The following KCNIP1 variants were observed in gnomAD, a reference collection of about 807,000 sequenced individuals.
KCNIP1 encodes the protein A-type potassium channel modulatory protein KCNIP1.
In KCNIP1, 18 loss-of-function variants were observed where a neutral mutation model predicts 33.0. The observed-to-expected ratio is 0.55, with a 90% CI of 0.38 to 0.81. The LOEUF is 0.81. KCNIP1 is among the 30% of genes least tolerant of loss of function. The probability of loss-of-function intolerance (pLI) is 0.00; values close to 1 mark genes in which losing one functional copy is unlikely to be tolerated. For missense variants in KCNIP1, 238 were observed against 271.6 expected, an observed-to-expected ratio of 0.88 and a Z score of 0.87; for synonymous variants, 93 against 98.3, an observed-to-expected ratio of 0.95 and a Z score of 0.32.
intron 5 of KCNIP1, among the ~76,000 whole-genome samples, chr5:170,729,452 C>T (rs2113890805): frequency 6.6e-6 from 1 of 152,064 alleles, no homozygotes; most frequent in Admixed American, 6.5e-5. Flanking sequence ...ATATCTAGCA[C>T]ATGGTAGATG....
chr5:170,515,755 A>T (rs948250846), intron 1 of KCNIP1, among the ~76,000 whole-genome samples: 8 of 152,220 alleles, frequency 5.3e-5, no homozygotes, highest in Admixed American at 4.6e-4. Flanking sequence ...GAATCACTGG[A>T]CTAGGCTGGA....
At chr5:170,388,634 C>T (rs1266769154) in intron 1 of KCNIP1, among the ~76,000 whole-genome samples, 1 of 152,170 alleles carries the variant, frequency 6.6e-6, no homozygotes, top group Non-Finnish European at 1.5e-5. Context: ...CATCCTTTTC[C>T]TTAGAAGGAC....
chr5:170,427,099 A>G (rs1755631764), intron 1 of KCNIP1, among the ~76,000 whole-genome samples: 1 of 152,232 alleles, frequency 6.6e-6, no homozygotes, highest in African/African-American at 2.4e-5. Flanking sequence ...CTGCTACAAC[A>G]CAGGGTAGGG....
intron 1 of KCNIP1, among the ~76,000 whole-genome samples, chr5:170,487,414 C>T (rs946827590): frequency 6.6e-6 from 1 of 152,166 alleles, no homozygotes; most frequent in Non-Finnish European, 1.5e-5. Flanking sequence ...GCAAAATTAA[C>T]CGACACAATT....
chr5:170,387,192 A>T (rs1355756703), intron 1 of KCNIP1, among the ~76,000 whole-genome samples: 1 of 152,114 alleles, frequency 6.6e-6, no homozygotes, highest in Non-Finnish European at 1.5e-5. Flanking sequence ...ATTTTAGGGG[A>T]ATTTAGGGGA....
At chr5:170,462,992 G>T (rs142086400) in intron 1 of KCNIP1, among the ~76,000 whole-genome samples, 3 of 151,978 alleles carry the variant, frequency 2.0e-5, no homozygotes, top group Non-Finnish European at 4.4e-5. Flanking sequence ...AGTGGATGAG[G>T]GATAAAAGAC....
intron 1 of KCNIP1, among the ~76,000 whole-genome samples, chr5:170,656,689 G>C (rs1023168016): frequency 4.6e-5 from 7 of 152,208 alleles, no homozygotes; most frequent in African/African-American, 1.7e-4. Flanking sequence ...AGGGGCAAAT[G>C]GGGACCGTCC....
chr5:170,515,851 G>A (rs1364048895), intron 1 of KCNIP1, among the ~76,000 whole-genome samples: 2 of 152,208 alleles, frequency 1.3e-5, no homozygotes, highest in Non-Finnish European at 2.9e-5. Flanking sequence ...AGGGGCAGGG[G>A]CTGGAGAATT....
At chr5:170,383,564 G>A (rs1056159024) in intron 1 of KCNIP1, 3 of 1,162,422 alleles carry the variant, frequency 2.6e-6, no homozygotes, top group African/African-American at 1.5e-5. Context: ...TTCCAGCTGT[G>A]AGACCTGGTC....
At chr5:170,423,006 A>C (rs1224194976) in intron 1 of KCNIP1, among the ~76,000 whole-genome samples, 2 of 152,144 alleles carry the variant, frequency 1.3e-5, no homozygotes, top group Non-Finnish European at 1.5e-5. Flanking sequence ...GGACTGCTTG[A>C]GCCCAGGAGG....
intron 1 of KCNIP1, among the ~76,000 whole-genome samples, chr5:170,579,187 C>T (rs748086482): frequency 6.6e-6 from 1 of 152,178 alleles, no homozygotes; most frequent in Non-Finnish European, 1.5e-5. Flanking sequence ...CTTAAAGTCA[C>T]AGCAGCCTCA....
chr5:170,363,258 C>A lies in KCNIP1; in HGVS notation c.88+9294C>A, dbSNP rs11739111. Reference sequence around the variant, plus strand: ...GTTCCTTTGAACACGCCTGGTCAAACCTGTCAGCACCGTCACTTCTGTCAC... The same window carrying A: ...GTTCCTTTGAACACGCCTGGTCAAAACTGTCAGCACCGTCACTTCTGTCAC... On this transcript the variant is annotated intron_variant, in intron 1 of 7. Coordinates refer to the KCNIP1 transcript ENST00000377360. Among the ~76,000 whole-genome samples, 21 of 152,274 alleles carry A rather than the reference C, an allele frequency of 1.4e-4. No homozygotes were observed. The East Asian group carries it at 2.1e-3, about 15-fold the overall frequency.
chr5:170,509,617 A>G (rs1693685704), intron 1 of KCNIP1, among the ~76,000 whole-genome samples: 1 of 152,268 alleles, frequency 6.6e-6, no homozygotes, highest in Admixed American at 6.5e-5. Flanking sequence ...CAAATGAATT[A>G]TCAACTGAAT....
intron 1 of KCNIP1, among the ~76,000 whole-genome samples, chr5:170,711,832 T>G (rs1450556467): frequency 1.4e-5 from 2 of 147,624 alleles, no homozygotes; most frequent in Non-Finnish European, 3.0e-5. Context: ...GGTCAGGAAA[T>G]GAGTGAAAAC....
At chr5:170,378,854 G>A (rs374179746) in intron 1 of KCNIP1, 97 of 1,614,250 alleles carry the variant, frequency 6.0e-5, no homozygotes, top group South Asian at 3.0e-4. Flanking sequence ...CGCTGGTTTC[G>A]TTCCCCCGAG....
At chr5:170,639,554 G>A (rs571381741) in intron 1 of KCNIP1, 1 of 152,326 alleles carries the variant, frequency 6.6e-6, no homozygotes, top group East Asian at 1.9e-4. Context: ...CTCCTTCATA[G>A]AATGGAGATG....
At chr5:170,450,037 G>A (rs1194807940) in intron 1 of KCNIP1, among the ~76,000 whole-genome samples, 2 of 152,148 alleles carry the variant, frequency 1.3e-5, no homozygotes, top group Non-Finnish European at 2.9e-5. Context: ...AGATAAGTTA[G>A]TTTACTTAGG....
At chr5:170,369,996 A>C (rs779163143) in intron 1 of KCNIP1, among the ~76,000 whole-genome samples, 1 of 152,150 alleles carries the variant, frequency 6.6e-6, no homozygotes, top group Non-Finnish European at 1.5e-5. Flanking sequence ...CCCAGGAATT[A>C]AGTTTATACA....
intron 1 of KCNIP1, among the ~76,000 whole-genome samples, chr5:170,547,942 T>G (rs970780069): frequency 1.3e-5 from 2 of 152,216 alleles, no homozygotes; most frequent in Non-Finnish European, 2.9e-5. Context: ...TTGAGAAATC[T>G]CCACGCTGTC....
Sources: gnomAD v4.1 joint callset for allele counts (sites outside exome capture counted in the v4.1 genomes callset) on GRCh38, gnomAD v4.1.1 for gene constraint, MANE v1.5 for transcripts, NCBI Gene and HGNC (gene_info 2026-07-23, HGNC 2026-07-21) for gene names.